Variants in ASNS observed in about 807,000 individuals in gnomAD.
ASNS encodes asparagine synthetase (glutamine-hydrolyzing).
ASNS carries 37 observed loss-of-function variants against 62.6 expected under a neutral mutation model. The observed-to-expected ratio is 0.59, with a 90% CI of 0.45 to 0.78. The LOEUF (loss-of-function observed/expected upper bound fraction) is 0.78, where lower values mean the gene tolerates loss of function less well. Among genes scored for constraint, ASNS ranks in the 30% least tolerant of loss-of-function variants. ASNS has a pLI of 0.00. For synonymous variants in ASNS, 207 were observed against 237.9 expected, an observed-to-expected ratio of 0.87 and a Z score of 1.19; for missense variants, 520 against 682.4, an observed-to-expected ratio of 0.76 and a Z score of 2.65.
At chr7:97,868,701 C>A (rs1250811458) in intron 3 of ASNS, among the ~76,000 whole-genome samples, 3 of 152,098 alleles carry the variant, frequency 2.0e-5, no homozygotes, top group Non-Finnish European at 4.4e-5. Flanking sequence ...GAACTGTAAT[C>A]CCCATTTTTA....
chr7:97,891,751 G>C, the ASNS span, among the ~76,000 whole-genome samples: 4 of 152,226 alleles, frequency 2.6e-5, no homozygotes, highest in Admixed American at 1.3e-4. Context: ...GCTGATGTAA[G>C]AGGTGGGCTC....
the ASNS span, among the ~76,000 whole-genome samples, chr7:97,907,847 T>C: frequency 0.84 from 127,737 of 151,706 alleles, 54,048 homozygotes; most frequent in East Asian, 0.91. Context: ...AATCCAAGAA[T>C]TTTATAGCCA....
At chr7:97,860,199 G>A (rs1791647880) in intron 4 of ASNS, among the ~76,000 whole-genome samples, 1 of 152,198 alleles carries the variant, frequency 6.6e-6, no homozygotes, top group Non-Finnish European at 1.5e-5. Flanking sequence ...CCCGGATAGG[G>A]AATGGGGAGT....
the ASNS span, among the ~76,000 whole-genome samples, chr7:97,902,393 G>A: frequency 1.3e-5 from 2 of 152,054 alleles, no homozygotes. Flanking sequence ...ACATAGAAGA[G>A]GTCAACACAG....
At chr7:97,891,317 C>A in the ASNS span, among the ~76,000 whole-genome samples, 8 of 152,182 alleles carry the variant, frequency 5.3e-5, no homozygotes, top group Non-Finnish European at 1.2e-4. Context: ...CCCACCAGGT[C>A]CCTCCCACAA....
chr7:97,852,312 T>C lies in ASNS; in HGVS notation c.1633A>G (p.Thr545Ala). The C allele has an allele frequency of 6.2e-7, 1 of 1,614,166 alleles. No homozygotes were observed. Among genetic ancestry groups the C allele is most frequent in the South Asian group, 1.1e-5 (1 of 91,084 alleles). The change falls in exon 13 of 13, where the codon ACT (threonine) becomes GCT (alanine). Residue 545 changes from threonine to alanine, a missense_variant. Physicochemically the swap from Thr to Ala is moderately conservative, Grantham distance 58. Transcript: ENST00000394308. ...GTCAGCGTGCGGGCAGAAGGGTCAG[T>C]GGCATTGATCCACTTGGGCATCCAG... ...HYWMPKWINATDPSARTLTHY... is the reference protein window; with the variant it reads ...HYWMPKWINAADPSARTLTHY...
Position 97,852,028 on chromosome 7 carries a change from C to T in ASNS, c.*231G>A. ...TTCTTGCAGACATCTGATCATTTTC[C>T]CTTTTCCTAGCTTACCCTCCACTTT... On this transcript the variant is annotated 3_prime_UTR_variant, in exon 13 of 13. Transcript: ENST00000394308. 1.9e-6 allele frequency: 1 copy of T among 528,314 alleles called. No individual in the cohort carries two copies. The highest frequency in any genetic ancestry group is 3.4e-6 in the Non-Finnish European group (1 of 297,288). 32.7% of individuals were successfully genotyped at this position (528,314 alleles called of 1,614,324 possible). A position where few individuals can be genotyped will look rare whatever the true frequency, so the allele number is the denominator to read the frequency against.
chr7:97,899,750 T>C, the ASNS span, among the ~76,000 whole-genome samples: 2 of 152,256 alleles, frequency 1.3e-5, no homozygotes, highest in African/African-American at 4.8e-5. Flanking sequence ...ACTTTCCTCC[T>C]TTTTGTGATC....
At chr7:97,913,230 A>C in the ASNS span, 1 of 152,228 alleles carries the variant, frequency 6.6e-6, no homozygotes, top group Non-Finnish European at 1.5e-5. Flanking sequence ...AGACTGGATC[A>C]CTCAACTCTG....
At chr7:97,870,420 C>A in intron 1 of ASNS, 1 of 250,436 alleles carries the variant, frequency 4.0e-6, no homozygotes, top group Admixed American at 5.5e-5. Flanking sequence ...AAAAAATATA[C>A]ATTCAAGTTG....
rs41278830 is a variant in ASNS, at chr7:97,858,418, G to A, written c.776-13C>T. 219,447 of 1,613,664 alleles carry A rather than the reference G, an allele frequency of 0.14. 15,759 individuals carry two copies. The highest frequency in any genetic ancestry group is 0.21 in the South Asian group (18,978 of 91,036). On this transcript the variant is annotated splice_polypyrimidine_tract_variant and intron_variant, in intron 6 of 12. Transcript: ENST00000394308. ...GAGTCCAAGCCCCCTACATGCAAAA[G>A]AGGAAGTGGAAGTGTCCTAGTTATG...
At chr7:97,861,774 TG>T (rs1195638549) in intron 4 of ASNS, among the ~76,000 whole-genome samples, 1 of 152,236 alleles carries the variant, frequency 6.6e-6, no homozygotes, top group Non-Finnish European at 1.5e-5. Flanking sequence ...ATCTTAACAA[TG>T]TTAAGCCTTC....
At chr7:97,863,749 G>GT (rs1192075737) in intron 4 of ASNS, 3 of 135,964 alleles carry the variant, frequency 2.2e-5, no homozygotes, top group Admixed American at 7.2e-5. Context: ...GATTTGATTT[G>GT]GTTTTTTTTG....
At chr7:97,861,362 T>C (rs1411539496) in intron 4 of ASNS, among the ~76,000 whole-genome samples, 1 of 152,210 alleles carries the variant, frequency 6.6e-6, no homozygotes, top group Non-Finnish European at 1.5e-5. Flanking sequence ...TGGGTAAAGA[T>C]TCAACTCCAA....
the ASNS span, among the ~76,000 whole-genome samples, chr7:97,919,335 C>T: frequency 0.17 from 25,782 of 152,074 alleles, 2,408 homozygotes; most frequent in Middle Eastern, 0.23. Flanking sequence ...AAGCTGGTCT[C>T]GAACTCCTGG....
intron 3 of ASNS, among the ~76,000 whole-genome samples, chr7:97,866,737 C>T (rs1238923372): frequency 6.6e-6 from 1 of 152,210 alleles, no homozygotes; most frequent in Non-Finnish European, 1.5e-5. Flanking sequence ...CAACTCACTC[C>T]ATAATTTGTG....
chr7:97,928,020 C>A, the ASNS span: 7 of 998,250 alleles, frequency 7.0e-6, no homozygotes, highest in Non-Finnish European at 8.9e-6. Context: ...CCGCCCCTAC[C>A]CCGCGTCCCC....
chr7:97,868,240 AGAG>A (rs1307060450), intron 3 of ASNS, among the ~76,000 whole-genome samples: 6 of 152,052 alleles, frequency 3.9e-5, no homozygotes, highest in Admixed American at 3.9e-4. Flanking sequence ...CCTGGGAGGC[AGAG>A]GTTGCAGTAA....
the ASNS span, among the ~76,000 whole-genome samples, chr7:97,903,512 C>T: frequency 4.6e-5 from 7 of 152,156 alleles, no homozygotes; most frequent in African/African-American, 9.7e-5. Flanking sequence ...CACGGTTCCC[C>T]GAACAGGAGA....
Sources: gnomAD v4.1 joint callset for allele counts (sites outside exome capture counted in the v4.1 genomes callset) on GRCh38, gnomAD v4.1.1 for gene constraint, MANE v1.5 for transcripts, NCBI Gene and HGNC (gene_info 2026-07-23, HGNC 2026-07-21) for gene names.